Variants in GUCY2F observed in about 807,000 individuals in gnomAD.
The protein encoded by GUCY2F is guanylate cyclase 2F, retinal.
GUCY2F carries 61 observed loss-of-function variants against 73.1 expected under a neutral mutation model. The ratio of observed to expected loss-of-function variants is 0.83; its 90% CI spans 0.68 to 1.03. The LOEUF is 1.03. Ranked by LOEUF, GUCY2F falls within the 50% of genes least tolerant of loss-of-function variation. The pLI is 0.00. For synonymous variants in GUCY2F, 331 were observed against 307.8 expected, an observed-to-expected ratio of 1.08 and a Z score of -0.79; for missense variants, 912 against 854.3, an observed-to-expected ratio of 1.07 and a Z score of -0.84.
At position 109,393,022 on chromosome X, in the gene GUCY2F, T is replaced by C. The variant is rs750278657; in HGVS notation, c.2458A>G (p.Ile820Val). ...AACATCCGAAGCATAGAATCAATAA[T>C]ATTGGTCTTCTTCCCTTTATTAAAA... ...KTFNKGKKTN[I>V]IDSMLRMLEQ... The change falls in exon 13 of 20, where the codon ATT becomes GTT. Residue 820 changes from isoleucine (I) to valine (V), a missense_variant. By Grantham distance (29) the Ile-to-Val change is conservative (BLOSUM62 3). Transcript: ENST00000218006. 1 of 1,120,185 alleles carries C rather than the reference T, an allele frequency of 8.9e-7. No individual in the cohort carries two copies. The highest frequency in any genetic ancestry group is 1.8e-5 in the South Asian group (1 of 54,262). 92.3% of individuals were successfully genotyped at this position (1,120,185 alleles called of 1,213,427 possible). A position where few individuals can be genotyped will look rare whatever the true frequency, so the allele number is the denominator to read the frequency against.
At chrX:109,468,648 G>A (rs1221813055) in intron 2 of GUCY2F, among the ~76,000 whole-genome samples, 2 of 111,321 alleles carry the variant, frequency 1.8e-5, no homozygotes, top group Admixed American at 9.5e-5. Flanking sequence ...ATATTTCAAA[G>A]GGTCCGAATT....
At position 109,465,381 on chromosome X, in the gene GUCY2F, A is replaced by G; in HGVS notation, c.793T>C (p.Cys265Arg). The G allele has an allele frequency of 8.3e-7, 1 of 1,200,702 alleles. No homozygotes were observed. Among genetic ancestry groups the G allele is most frequent in the Non-Finnish European group, 1.1e-6 (1 of 885,463 alleles). ...TCAGTCATTTTCAGATCATGAGCACATTCCAAGAGATGCATCTGAGTCTCT... is the reference window on the plus strand; with the variant it reads ...TCAGTCATTTTCAGATCATGAGCACGTTCCAAGAGATGCATCTGAGTCTCT... ...GGETQMHLLECAHDLKMTDGT... is the reference protein window; with the variant it reads ...GGETQMHLLERAHDLKMTDGT... Residue 265 changes from cysteine (C) to arginine (R), a missense_variant, in exon 3 of 20, where the codon TGT (cysteine) becomes CGT (arginine). By Grantham distance (180) the Cys-to-Arg change is radical (BLOSUM62 -3). Coordinates refer to ENST00000218006, the MANE Select transcript of GUCY2F (RefSeq NM_001522.3).
At chrX:109,436,381 T>G (rs1412190360) in intron 7 of GUCY2F, among the ~76,000 whole-genome samples, 5 of 110,834 alleles carry the variant, frequency 4.5e-5, no homozygotes, top group African/African-American at 1.6e-4. Context: ...GTGTGGCGAT[T>G]CCTCAGGGAT....
In GUCY2F at chrX:109,392,264, T is replaced by C. The variant is rs181316990; in HGVS notation, c.2589-161A>G. Among the ~76,000 whole-genome samples, 27 of 112,433 alleles carry C rather than the reference T, an allele frequency of 2.4e-4. 1 individual carries two copies. Among genetic ancestry groups the C allele is most frequent in the African/African-American group, 8.4e-4 (26 of 30,973 alleles). ...AAAACATTAATTCGTTCATTTATTCTACAAATAAGTGTTAAGTGCTTACAA... is the reference window on the plus strand; with the variant it reads ...AAAACATTAATTCGTTCATTTATTCCACAAATAAGTGTTAAGTGCTTACAA... On this transcript the variant is annotated intron_variant, in intron 13 of 19. Transcript: ENST00000218006.
chrX:109,407,793 C>A (rs920399893), intron 9 of GUCY2F, among the ~76,000 whole-genome samples: 1 of 113,397 alleles, frequency 8.8e-6, no homozygotes, highest in African/African-American at 3.2e-5. Flanking sequence ...GTTGAGCCTG[C>A]AGGTGCACAG....
At chrX:109,478,244 A>G (rs1932735075) in intron 1 of GUCY2F, among the ~76,000 whole-genome samples, 1 of 112,509 alleles carries the variant, frequency 8.9e-6, no homozygotes, top group African/African-American at 3.2e-5. Context: ...CCCAGAGCTG[A>G]GCTCTAGTCA....
At chrX:109,381,807 A>C (rs1013240075) in intron 17 of GUCY2F, among the ~76,000 whole-genome samples, 2 of 112,761 alleles carry the variant, frequency 1.8e-5, no homozygotes, top group Non-Finnish European at 3.8e-5. Context: ...AGGTTAGAAA[A>C]TGTAAATAAT....
chrX:109,400,348 G>T (rs1294083653), intron 10 of GUCY2F, among the ~76,000 whole-genome samples: 1 of 111,229 alleles, frequency 9.0e-6, no homozygotes, highest in Non-Finnish European at 1.9e-5. Flanking sequence ...AAACAACAAG[G>T]TGACATCCAG....
chrX:109,375,968 C>T lies in GUCY2F; in HGVS notation c.3258G>A (p.Leu1086=), dbSNP rs1446360871. ...GGAAGGCTGCAATCTCCACTGGTTG[C>T]AGGCCATGGCCCACTTGCCTGCAGG... The part of the protein sequence containing the change: ...VDKDGQVGHG[L]QPVEIAAFQR... Residue 1086 remains leucine, a synonymous_variant, in exon 19 of 20, where the codon CTG becomes CTA. Coordinates refer to ENST00000218006, the MANE Select transcript of GUCY2F (RefSeq NM_001522.3). The T allele has an allele frequency of 1.7e-6, 2 of 1,208,176 alleles. No homozygotes were observed. The highest frequency in any genetic ancestry group is 3.0e-5 in the East Asian group (1 of 33,828).
At chrX:109,426,021 A>T (rs1353414904) in intron 8 of GUCY2F, among the ~76,000 whole-genome samples, 9 of 111,444 alleles carry the variant, frequency 8.1e-5, no homozygotes, top group Non-Finnish European at 1.3e-4. Context: ...GTAGTAAGGG[A>T]CATTTAAATA....
intron 14 of GUCY2F, among the ~76,000 whole-genome samples, chrX:109,390,745 TCAA>T (rs1341396808): frequency 4.4e-5 from 5 of 112,887 alleles, no homozygotes; most frequent in African/African-American, 1.6e-4. Context: ...CTGCTTGAGT[TCAA>T]CAAGTTAAGA....
At chrX:109,481,084 AAGGAAGGAAGGAAGGAAGGAAGGG>A (rs1370234224) in intron 1 of GUCY2F, among the ~76,000 whole-genome samples, 19 of 68,018 alleles carry the variant, frequency 2.8e-4, no homozygotes, top group African/African-American at 6.9e-4. Context: ...GGAAGGAAGG[AAGGAAGGAAGGAAGGAAGGAAGGG>A]AGGGAGGGAG....
At chrX:109,481,504 C>T (rs1174309200) in intron 1 of GUCY2F, among the ~76,000 whole-genome samples, 2 of 111,889 alleles carry the variant, frequency 1.8e-5, no homozygotes, top group Non-Finnish European at 3.8e-5. Flanking sequence ...GGAAATGGCT[C>T]CTCATACCAG....
intron 11 of GUCY2F, 61 bp from the exon 12 acceptor site, chrX:109,395,550 A>G: frequency 9.8e-7 from 1 of 1,018,018 alleles, no homozygotes; most frequent in Non-Finnish European, 1.4e-6. Context: ...AAGATTTGGC[A>G]AAGATAACTG....
intron 7 of GUCY2F, among the ~76,000 whole-genome samples, chrX:109,435,734 T>C (rs1162867365): frequency 8.9e-6 from 1 of 111,822 alleles, no homozygotes; most frequent in Non-Finnish European, 1.9e-5. Flanking sequence ...TTCCAGTTTT[T>C]GCCCATTCAG....
intron 2 of GUCY2F, among the ~76,000 whole-genome samples, chrX:109,468,732 A>G (rs1184374033): frequency 1.8e-5 from 2 of 112,042 alleles, no homozygotes; most frequent in African/African-American, 6.5e-5. Flanking sequence ...AAGAAATAGG[A>G]AACTCAACAG....
chrX:109,438,483 T>C (rs185011085), intron 7 of GUCY2F, among the ~76,000 whole-genome samples: 1 of 112,845 alleles, frequency 8.9e-6, no homozygotes, highest in Admixed American at 9.3e-5. Context: ...AGATAAACAT[T>C]TCTATTCCAA....
At chrX:109,381,885 G>A (rs1380531035) in intron 17 of GUCY2F, among the ~76,000 whole-genome samples, 1 of 112,519 alleles carries the variant, frequency 8.9e-6, no homozygotes, top group Admixed American at 9.3e-5. Flanking sequence ...CTTACAGTCT[G>A]AAAAATGCAG....
At chrX:109,402,978 A>C (rs1471151385) in intron 10 of GUCY2F, among the ~76,000 whole-genome samples, 1 of 111,680 alleles carries the variant, frequency 9.0e-6, no homozygotes, top group Non-Finnish European at 1.9e-5. Flanking sequence ...AGCAGTTTTA[A>C]AACTTACGCC....
Sources: gnomAD v4.1 joint callset for allele counts (sites outside exome capture counted in the v4.1 genomes callset) on GRCh38, gnomAD v4.1.1 for gene constraint, MANE v1.5 for transcripts, NCBI Gene and HGNC (gene_info 2026-07-23, HGNC 2026-07-21) for gene names.